Variants in MCM7 observed in about 807,000 individuals in gnomAD.
The protein encoded by MCM7 is DNA replication licensing factor MCM7.
A neutral mutation model predicts 83.5 loss-of-function variants in MCM7; 95 were observed. The ratio of observed to expected loss-of-function variants is 1.14; its 90% CI spans 0.96 to 1.35. MCM7 has a LOEUF of 1.35. MCM7 is among the 40% of genes most tolerant of loss of function. The pLI is 0.00. For missense variants in MCM7, 1,087 were observed against 957.4 expected (o/e 1.14, Z -1.79); for synonymous variants, 461 against 352.7 (o/e 1.31, Z -3.44).
chr7:100,093,663 C>A, intron 13 of MCM7: 2 of 726,980 alleles, frequency 2.8e-6, no homozygotes, highest in East Asian at 2.7e-5. Context: ...GTTCAGCTGT[C>A]CTGTGAGGGA....
chr7:100,096,198 G>A (rs750878676), intron 10 of MCM7, 31 bp from the exon 11 acceptor site: 18 of 1,530,182 alleles, frequency 1.2e-5, no homozygotes, highest in Non-Finnish European at 1.4e-5. Context: ...AACCATGAGA[G>A]AGAAAGAACA....
At position 100,093,080 on chromosome 7, in the gene MCM7, CCT is replaced by C. The variant is rs770233806; in HGVS notation, c.2010_2011del (p.Gly672ProfsTer7). 2.7e-5 allele frequency: 43 copies of C among 1,614,230 alleles called. No individual in the cohort carries two copies. The highest frequency in any genetic ancestry group is 2.2e-4 in the Admixed American group (13 of 60,022). ...CTCAGAGAACCGGACACTTCGGCCC[CCT>C]GAGACCAGTTCACGGACGGTGGCAA... is the stretch of plus-strand genomic sequence containing the variant. On this transcript the variant is annotated frameshift_variant, in exon 15 of 15. Transcript: ENST00000303887. LOFTEE classifies it high-confidence loss of function.
At chr7:100,097,779 G>GTTT in intron 8 of MCM7, 34 bp from the exon 9 acceptor site, 3 of 1,613,936 alleles carry the variant, frequency 1.9e-6, no homozygotes, top group Non-Finnish European at 2.5e-6. Flanking sequence ...TATTTTCTGG[G>GTTT]GGAAAAGGGA....
At position 100,094,198 on chromosome 7, in the gene MCM7, G is replaced by C. The variant is rs1795495025; in HGVS notation, c.1823C>G (p.Ala608Gly). The C allele has an allele frequency of 6.2e-7, 1 of 1,614,238 alleles. No homozygotes were observed. The change falls in exon 13 of 15, where the codon GCT (alanine) becomes GGT (glycine). Residue 608 changes from alanine (A) to glycine (G), a missense_variant. By Grantham distance (60) the Ala-to-Gly change is moderately conservative (BLOSUM62 0). Coordinates refer to ENST00000303887, the MANE Select transcript of MCM7 (RefSeq NM_005916.5). ...CAGAGCAGTGGAAAGGCGCAGGATAGCCAGCAGGGTCCGGGCAGAAGTATA... is the reference window on the plus strand; with the variant it reads ...CAGAGCAGTGGAAAGGCGCAGGATACCCAGCAGGGTCCGGGCAGAAGTATA... Reference protein sequence around the residue: ...ATYTSARTLLAILRLSTALAR... With the variant: ...ATYTSARTLLGILRLSTALAR...
intron 5 of MCM7, 51 bp from the exon 6 acceptor site, chr7:100,098,766 C>T: frequency 6.2e-7 from 1 of 1,606,328 alleles, no homozygotes; most frequent in East Asian, 2.2e-5. Flanking sequence ...AAAAGAGCCC[C>T]ATTGGGTCGG....
chr7:100,096,311 C>A, intron 10 of MCM7, 144 bp from the exon 11 acceptor site: 5 of 751,706 alleles, frequency 6.7e-6, no homozygotes, highest in Non-Finnish European at 1.0e-5. Context: ...GCCCGAGGAT[C>A]TGTGGGGCAC....
intron 1 of MCM7, chr7:100,100,544 A>T: frequency 2.0e-6 from 2 of 993,530 alleles, no homozygotes; most frequent in Non-Finnish European, 2.4e-6. Flanking sequence ...AAAGAAGCAC[A>T]TGGGCCCGGA....
chr7:100,099,598 C>T lies in MCM7; in HGVS notation c.267G>A (p.Lys89=), dbSNP rs1207838381. The change falls in exon 3 of 15, where the codon AAG becomes AAA. Residue 89 remains lysine, a synonymous_variant. Transcript: ENST00000303887. ...TTCTCTAACCACTCACTTCCCTCTC[C>T]TTGTACTGAGGCAGCAGCTCTTGTA... The part of the protein sequence containing the change: ...DAVQELLPQY[K]EREVVNKDVL... 1.2e-6 allele frequency: 2 copies of T among 1,613,860 alleles called. No individual in the cohort carries two copies. The highest frequency in any genetic ancestry group is 1.7e-6 in the Non-Finnish European group (2 of 1,180,038).
intron 1 of MCM7, 178 bp from the exon 2 acceptor site, chr7:100,100,271 GAATA>G: frequency 7.2e-7 from 1 of 1,379,708 alleles, no homozygotes; most frequent in Non-Finnish European, 9.4e-7. Context: ...AACCAGCGAA[GAATA>G]AAGAGCCCGT....
Position 100,093,079 on chromosome 7 carries a change from CCCT to C in MCM7, c.2010_2012del (p.Gly672del). The C allele has an allele frequency of 6.2e-7, 1 of 1,614,228 alleles. No homozygotes were observed. Among genetic ancestry groups the C allele is most frequent in the Non-Finnish European group, 8.5e-7 (1 of 1,180,040 alleles). ...CCTCAGAGAACCGGACACTTCGGCC[CCCT>C]GAGACCAGTTCACGGACGGTGGCAA... is the stretch of plus-strand genomic sequence containing the variant. On this transcript the variant is annotated inframe_deletion, in exon 15 of 15. Coordinates refer to ENST00000303887, the MANE Select transcript of MCM7 (RefSeq NM_005916.5).
chr7:100,100,056 A>G lies in MCM7; in HGVS notation c.69T>C (p.Asp23=), dbSNP rs1354212678. The change falls in exon 2 of 15, where the codon GAT becomes GAC. Residue 23 remains aspartate, a synonymous_variant. Coordinates refer to ENST00000303887, the MANE Select transcript of MCM7 (RefSeq NM_005916.5). ...VKKFLQEFYQ[D]DELGKKQFKY... ...TGAACTGCTTCTTCCCGAGTTCATC[A>G]TCCTGGTAGAACTCTTGTAAGAACT... 2.5e-6 allele frequency: 4 copies of G among 1,614,034 alleles called. No homozygotes were observed. Among genetic ancestry groups the G allele is most frequent in the Admixed American group, 1.7e-5 (1 of 60,004 alleles).
chr7:100,098,405 C>A, intron 6 of MCM7, 115 bp from the exon 7 acceptor site: 2 of 1,494,464 alleles, frequency 1.3e-6, no homozygotes, highest in Non-Finnish European at 1.8e-6. Context: ...AAGCCCACAG[C>A]AGGGGTGCTG....
chr7:100,100,563 G>A (rs879374965), intron 1 of MCM7: 7 of 991,340 alleles, frequency 7.1e-6, no homozygotes, highest in Admixed American at 6.0e-5. Flanking sequence ...GATTCCAGCC[G>A]CTTCACAGCT....
intron 13 of MCM7, chr7:100,093,958 G>T (rs750735398): frequency 1.4e-6 from 1 of 736,724 alleles, no homozygotes; most frequent in South Asian, 1.4e-5. Context: ...AAGAAGTGGG[G>T]AAAAGGCCTT....
At chr7:100,095,712 T>C (rs1795592828) in intron 11 of MCM7, 62 bp downstream of exon 11, 13 of 1,501,946 alleles carry the variant, frequency 8.7e-6, no homozygotes, top group Non-Finnish European at 1.1e-5. Context: ...CTGATTCACC[T>C]CTCCTCCTCC....
In MCM7 at chr7:100,095,381, TCCTA is replaced by T; in HGVS notation, c.1679+2_1679+5del. On this transcript the variant is annotated splice_donor_variant and splice_donor_5th_base_variant and intron_variant, in intron 12 of 14. Transcript: ENST00000303887. LOFTEE classifies it high-confidence loss of function. ...ACGTTTGCCCACCCGCACCCAGCTCTCCTACCTCATGAGCTTCATGTCCAGAGGT... is the reference window on the plus strand; with the variant it reads ...ACGTTTGCCCACCCGCACCCAGCTCTCCTCATGAGCTTCATGTCCAGAGGT... 6.2e-7 allele frequency: 1 copy of T among 1,611,652 alleles called. No individual in the cohort carries two copies. The highest frequency in any genetic ancestry group is 8.5e-7 in the Non-Finnish European group (1 of 1,179,240).
chr7:100,095,784 T>C lies in MCM7; in HGVS notation c.1585A>G (p.Asn529Asp). Residue 529 changes from asparagine (N) to aspartate (D), a missense_variant, in exon 11 of 15, where the codon AAT becomes GAT. By Grantham distance (23) the Asn-to-Asp change is conservative. Coordinates refer to ENST00000303887, the MANE Select transcript of MCM7 (RefSeq NM_005916.5). ...TTGAGCTTCATTCACCGTAGGTCAT[T>C]GTCTCGGTCGGGCCGGTCCTGAATC... ...WLIQDRPDRD[N>D]DLRLAQHITY... The C allele has an allele frequency of 6.3e-7, 1 of 1,579,712 alleles. No homozygotes were observed. Among genetic ancestry groups the C allele is most frequent in the South Asian group, 1.1e-5 (1 of 88,656 alleles).
At chr7:100,100,181 A>G in intron 1 of MCM7, 88 bp from the exon 2 acceptor site, 2 of 1,519,792 alleles carry the variant, frequency 1.3e-6, no homozygotes, top group Non-Finnish European at 1.8e-6. Context: ...CCTATGAACT[A>G]ATTAATAATA....
chr7:100,095,583 T>C lies in MCM7; in HGVS notation c.1596-113A>G, dbSNP rs1231350187. On this transcript the variant is annotated intron_variant, in intron 11 of 14. Transcript: ENST00000303887. ...TCCTCACAGTGTAGGAGGGACAAGCTTTCCCGGGAAATCCTCATCAGCATT... is the reference window on the plus strand; with the variant it reads ...TCCTCACAGTGTAGGAGGGACAAGCCTTCCCGGGAAATCCTCATCAGCATT... 2.3e-6 allele frequency: 3 copies of C among 1,313,170 alleles called. No homozygotes were observed. In the African/African-American group the frequency reaches 4.4e-5, roughly 19 times the overall value. 81.3% of individuals were successfully genotyped at this position (1,313,170 alleles called of 1,614,324 possible). A position where few individuals can be genotyped will look rare whatever the true frequency, so the allele number is the denominator to read the frequency against.
Sources: gnomAD v4.1 joint callset for allele counts on GRCh38, gnomAD v4.1.1 for gene constraint, MANE v1.5 for transcripts, NCBI Gene and HGNC (gene_info 2026-07-23, HGNC 2026-07-21) for gene names.